The following JARID2 variants were observed in gnomAD, a reference collection of about 807,000 sequenced individuals.
The protein encoded by JARID2 is jumonji and AT-rich interaction domain containing 2.
Under a neutral mutation model 125.6 loss-of-function variants are expected in JARID2, and 21 were observed. That is an observed-to-expected ratio of 0.17 (90% confidence interval 0.12 to 0.24). The LOEUF (loss-of-function observed/expected upper bound fraction) is 0.24. Ranked by LOEUF, JARID2 falls within the 10% of genes least tolerant of loss-of-function variation. The pLI is 1.00. For synonymous variants in JARID2, 736 were observed against 661.6 expected, an observed-to-expected ratio of 1.11 and a Z score of -1.73; for missense variants, 1,303 against 1,639.6, an observed-to-expected ratio of 0.79 and a Z score of 3.55.
In JARID2 at chr6:15,487,506, C is replaced by G. The variant is rs143491695; in HGVS notation, c.870C>G (p.Pro290=). The G allele has an allele frequency of 1.2e-5, 19 of 1,613,730 alleles. No individual in the cohort carries two copies. In the South Asian group the frequency reaches 1.3e-4, roughly 11 times the overall value. Residue 290 remains proline, a synonymous_variant, in exon 6 of 18, where the codon CCC becomes CCG. Coordinates refer to ENST00000341776, the MANE Select transcript of JARID2 (RefSeq NM_004973.4). ...AKGLAATHHH[P]PLHRSAQDLR... The stretch of plus-strand genomic sequence containing the variant: ...GGCTTGCTGCCACCCATCACCACCC[C>G]CCTCTGCATCGGTCGGCTCAGGACT...
At chr6:15,283,872 AT>A (rs1203010398) in intron 1 of JARID2, among the ~76,000 whole-genome samples, 11 of 151,036 alleles carry the variant, frequency 7.3e-5, no homozygotes, top group African/African-American at 2.2e-4. Flanking sequence ...TGCCCGGCTA[AT>A]TTTTTTTGAA....
At chr6:15,455,576 G>C (rs1768126119) in intron 4 of JARID2, among the ~76,000 whole-genome samples, 1 of 152,142 alleles carries the variant, frequency 6.6e-6, no homozygotes, top group South Asian at 2.1e-4. Flanking sequence ...CTGTCGCCCA[G>C]GCTGGAGTGC....
At chr6:15,462,661 A>G (rs559392502) in intron 4 of JARID2, among the ~76,000 whole-genome samples, 3 of 152,364 alleles carry the variant, frequency 2.0e-5, no homozygotes, top group African/African-American at 7.2e-5. Context: ...CCCCATGGTA[A>G]TTGGGTCAAG....
chr6:15,324,237 C>T (rs1424462868), intron 1 of JARID2: 1 of 151,566 alleles, frequency 6.6e-6, no homozygotes, highest in Admixed American at 6.6e-5. Flanking sequence ...TTGTATGAAG[C>T]CCAAGGTATT....
intron 1 of JARID2, among the ~76,000 whole-genome samples, chr6:15,300,722 T>TGTGTGTGTGTGTGTGTGTGA (rs1246745065): frequency 1.8e-5 from 2 of 111,118 alleles, no homozygotes; most frequent in Non-Finnish European, 3.7e-5. Context: ...TGTGTGTGTG[T>TGTGTGTGTGTGTGTGTGTGA]GAGAGAGAGA....
chr6:15,494,727 AG>A (rs1239406001), intron 6 of JARID2, among the ~76,000 whole-genome samples: 1 of 152,098 alleles, frequency 6.6e-6, no homozygotes, highest in Non-Finnish European at 1.5e-5. Flanking sequence ...CCCCCACTTA[AG>A]GGGGGTCCTG....
At chr6:15,469,334 C>G (rs1295930281) in intron 5 of JARID2, among the ~76,000 whole-genome samples, 3 of 65,470 alleles carry the variant, frequency 4.6e-5, no homozygotes, top group African/African-American at 2.1e-4. Flanking sequence ...CTCTCTCTCT[C>G]TCCTGTCTCT....
chr6:15,370,933 C>T (rs1011953478), intron 1 of JARID2, among the ~76,000 whole-genome samples: 1 of 152,200 alleles, frequency 6.6e-6, no homozygotes, highest in East Asian at 1.9e-4. Context: ...ACTGAGTCAA[C>T]TCATCTACTA....
intron 2 of JARID2, 35 bp downstream of exon 2, chr6:15,374,287 A>G (rs748583552): frequency 6.2e-7 from 1 of 1,607,388 alleles, no homozygotes; most frequent in East Asian, 2.2e-5. Context: ...ATTGGAATGT[A>G]CAATATCTCT....
chr6:15,469,318 GTCTCTCTCTCTCTCTCTCCTGTCTCTCTC>G (rs1348248557), intron 5 of JARID2, among the ~76,000 whole-genome samples: 54 of 48,588 alleles, frequency 1.1e-3, no homozygotes, highest in Admixed American at 2.3e-3. Context: ...CTCTCTCTCT[GTCTCTCTCTCTCTCTCTCCTGTCTCTCTC>G]TCTCTCTCTC....
chr6:15,275,683 G>A (rs1325934179), intron 1 of JARID2, among the ~76,000 whole-genome samples: 6 of 152,066 alleles, frequency 3.9e-5, no homozygotes, highest in Non-Finnish European at 8.8e-5. Flanking sequence ...GAATTTAACA[G>A]CATTGCAATT....
chr6:15,301,901 TATAGATG>T (rs1478184963), intron 1 of JARID2, among the ~76,000 whole-genome samples: 3 of 152,214 alleles, frequency 2.0e-5, no homozygotes, highest in African/African-American at 7.2e-5. Context: ...TTTTGACTAA[TATAGATG>T]ATCAGTGTTT....
chr6:15,437,252 G>T (rs1326829016), intron 3 of JARID2, among the ~76,000 whole-genome samples: 1 of 152,008 alleles, frequency 6.6e-6, no homozygotes, highest in African/African-American at 2.4e-5. Flanking sequence ...ACTTTATGTT[G>T]TGAGGCTGTG....
rs184936600 is a variant in JARID2 at position 15,281,447 on chromosome 6, C to T, written c.45+34863C>T. On this transcript the variant is annotated intron_variant, in intron 1 of 17. Transcript: ENST00000341776. ...AAATGTTCAGAGCAAAATCTGAAGT[C>T]CCCTTATCTCCTATTGTACTGCCTT... 7.7e-4 allele frequency among the ~76,000 whole-genome samples: 117 copies of T among 152,302 alleles called. 1 individual carries two copies. Among genetic ancestry groups the T allele is most frequent in the Non-Finnish European group, 1.6e-3 (106 of 68,016 alleles).
chr6:15,353,486 A>G (rs1763496746), intron 1 of JARID2, among the ~76,000 whole-genome samples: 1 of 152,230 alleles, frequency 6.6e-6, no homozygotes, highest in Non-Finnish European at 1.5e-5. Flanking sequence ...TTAGGAAAAA[A>G]TATCATTATC....
At chr6:15,518,505 C>G (rs560530903) in intron 17 of JARID2, among the ~76,000 whole-genome samples, 1 of 152,176 alleles carries the variant, frequency 6.6e-6, no homozygotes, top group African/African-American at 2.4e-5. Context: ...GTTTTTAAGA[C>G]GGAGTCTCGC....
In JARID2 at chr6:15,452,156, T is replaced by C. The variant is rs901635464; in HGVS notation, c.474T>C (p.Leu158=). ...SKRKPKTEDF[L]TFLCLRGSPA... ...GGAAGCCTAAGACAGAAGATTTTCT[T>C]ACCTTTCTCTGCCTTCGAGGTAAGA... The change falls in exon 4 of 18, where the codon CTT becomes CTC. Residue 158 remains leucine (L), a synonymous_variant. Transcript: ENST00000341776. The C allele has an allele frequency of 2.5e-6, 4 of 1,614,032 alleles. No homozygotes were observed. Among genetic ancestry groups the C allele is most frequent in the Non-Finnish European group, 2.5e-6 (3 of 1,179,978 alleles).
intron 4 of JARID2, among the ~76,000 whole-genome samples, chr6:15,454,653 T>G (rs1487729831): frequency 6.6e-6 from 1 of 151,856 alleles, no homozygotes; most frequent in East Asian, 1.9e-4. Context: ...ATTTTTTTTT[T>G]TTTTTTTGGT....
At chr6:15,254,169 C>T (rs1268139990) in intron 1 of JARID2, among the ~76,000 whole-genome samples, 1 of 152,146 alleles carries the variant, frequency 6.6e-6, no homozygotes, top group Non-Finnish European at 1.5e-5. Flanking sequence ...AGCTGGCTGT[C>T]TCTTTGAGTC....
Sources: allele counts gnomAD v4.1 joint callset (sites outside exome capture counted in the v4.1 genomes callset), GRCh38; gene constraint gnomAD v4.1.1; transcripts MANE v1.5; gene names NCBI Gene and HGNC (gene_info 2026-07-23, HGNC 2026-07-21).